Variants in DOCK1 observed in about 807,000 individuals in gnomAD.
DOCK1 encodes dedicator of cytokinesis protein 1.
A neutral mutation model predicts 262.7 loss-of-function variants in DOCK1; 138 were observed. That is an observed-to-expected ratio of 0.53 (90% CI 0.46 to 0.61). DOCK1 has a LOEUF of 0.61. Ranked by LOEUF, DOCK1 falls within the 20% of genes least tolerant of loss-of-function variation. The pLI is 0.00. For synonymous variants in DOCK1, 866 were observed against 867.4 expected (o/e 1.00, Z 0.03); for missense variants, 1,908 against 2,370.7 (o/e 0.80, Z 4.05).
intron 24 of DOCK1, among the ~76,000 whole-genome samples, chr10:127,109,026 G>A (rs2048712250): frequency 6.6e-6 from 1 of 152,022 alleles, no homozygotes; most frequent in Admixed American, 6.5e-5. Flanking sequence ...TAAAATGCTA[G>A]GATAAAATTT....
At position 127,012,946 on chromosome 10, in the gene DOCK1, C is replaced by T. The variant is rs2041581418; in HGVS notation, c.1201+572C>T. Among the ~76,000 whole-genome samples, 1 of 152,194 alleles carries T rather than the reference C, an allele frequency of 6.6e-6. No homozygotes were observed. Among genetic ancestry groups the T allele is most frequent in the South Asian group, 2.1e-4 (1 of 4,828 alleles). Reference sequence around the variant, plus strand: ...GGAAACAACTGTGACTGAGGCCCCGCCTCCAGCCCAAGGGGAAGTCACCTT... The same window carrying T: ...GGAAACAACTGTGACTGAGGCCCCGTCTCCAGCCCAAGGGGAAGTCACCTT... On this transcript the variant is annotated intron_variant, in intron 12 of 51. Coordinates refer to ENST00000623213, the MANE Select transcript of DOCK1 (RefSeq NM_001290223.2). The surrounding 1 kb of genome is among the most constrained non-coding windows in gnomAD (Gnocchi z 4.0).
At chr10:127,065,258 G>C (rs901663870) in intron 23 of DOCK1, among the ~76,000 whole-genome samples, 1 of 152,014 alleles carries the variant, frequency 6.6e-6, no homozygotes, top group Non-Finnish European at 1.5e-5. Flanking sequence ...TAATTCACCC[G>C]CCTCGGCCTC....
chr10:127,077,942 G>C (rs1162847671), intron 23 of DOCK1, among the ~76,000 whole-genome samples: 1 of 152,030 alleles, frequency 6.6e-6, no homozygotes, highest in African/African-American at 2.4e-5. Context: ...ACAGTGGAAG[G>C]AGGTGGTGGG....
chr10:126,907,640 A>T (rs539937032), intron 1 of DOCK1, among the ~76,000 whole-genome samples: 2 of 152,216 alleles, frequency 1.3e-5, no homozygotes, highest in East Asian at 3.9e-4. Flanking sequence ...AGAGACCTGG[A>T]TGGTGTCAGT....
At chr10:127,236,958 C>T (rs1176500269) in intron 27 of DOCK1, among the ~76,000 whole-genome samples, 2 of 152,176 alleles carry the variant, frequency 1.3e-5, no homozygotes, top group Non-Finnish European at 2.9e-5. Context: ...ATACAGCAAA[C>T]GTACCCTTGG....
intron 31 of DOCK1, among the ~76,000 whole-genome samples, chr10:127,350,310 C>CCCT (rs33959490): frequency 1.3e-5 from 2 of 151,812 alleles, no homozygotes; most frequent in African/African-American, 4.8e-5. Context: ...CGGTGCACCC[C>CCCT]TCACCCCCTG....
chr10:126,915,686 C>T (rs1241210578), intron 1 of DOCK1, among the ~76,000 whole-genome samples: 6 of 152,150 alleles, frequency 3.9e-5, no homozygotes, highest in South Asian at 4.2e-4. Context: ...CTCCTGACCT[C>T]GTGATCTGCC....
intron 29 of DOCK1, among the ~76,000 whole-genome samples, chr10:127,278,916 G>A (rs1406539149): frequency 6.6e-6 from 1 of 152,184 alleles, no homozygotes; most frequent in East Asian, 1.9e-4. Flanking sequence ...GACTCCTGAA[G>A]TCTTCATCAC....
intron 1 of DOCK1, among the ~76,000 whole-genome samples, chr10:126,921,155 G>C (rs191085139): frequency 6.8e-6 from 1 of 146,114 alleles, no homozygotes; most frequent in Non-Finnish European, 1.5e-5. Flanking sequence ...AGCCGAGGTC[G>C]CACCATTGCA....
At position 127,272,413 on chromosome 10, in the gene DOCK1, C is replaced by A. The variant is rs1008211899; in HGVS notation, c.3044+14984C>A. Among the ~76,000 whole-genome samples, 3 of 152,158 alleles carry A rather than the reference C, an allele frequency of 2.0e-5. No individual in the cohort carries two copies. The East Asian group carries it at 5.8e-4, about 29-fold the overall frequency. The stretch of plus-strand genomic sequence containing the variant: ...CTACCGGCTCCATGTCATGGACACA[C>A]AGAGTCCTAGGAAGAGATAGATTCT... On this transcript the variant is annotated intron_variant, in intron 29 of 51. Coordinates refer to ENST00000623213, the MANE Select transcript of DOCK1 (RefSeq NM_001290223.2).
chr10:127,059,656 C>T (rs538633662), intron 22 of DOCK1, among the ~76,000 whole-genome samples: 1 of 152,032 alleles, frequency 6.6e-6, no homozygotes, highest in Non-Finnish European at 1.5e-5. Flanking sequence ...TTCATAGATT[C>T]ATTTCTCTAC....
At chr10:127,082,409 G>A (rs2136021839) in intron 23 of DOCK1, among the ~76,000 whole-genome samples, 1 of 152,236 alleles carries the variant, frequency 6.6e-6, no homozygotes, top group Non-Finnish European at 1.5e-5. Context: ...GGCTGGGGAG[G>A]CCTCACAATC....
intron 44 of DOCK1, among the ~76,000 whole-genome samples, chr10:127,417,242 C>G (rs60132360): frequency 0.19 from 28,592 of 152,166 alleles, 2,833 homozygotes; most frequent in African/African-American, 0.23. Context: ...TCCCCGTGGC[C>G]CAGTGTGAGG....
intron 38 of DOCK1, among the ~76,000 whole-genome samples, chr10:127,392,882 T>C (rs1321136378): frequency 6.6e-6 from 1 of 152,212 alleles, no homozygotes; most frequent in Non-Finnish European, 1.5e-5. Flanking sequence ...GCAAAGGTTA[T>C]GGATCAGACG....
chr10:127,006,247 G>A (rs1565054987), intron 10 of DOCK1, among the ~76,000 whole-genome samples: 1 of 152,186 alleles, frequency 6.6e-6, no homozygotes, highest in African/African-American at 2.4e-5. Context: ...CCTGCGAGAC[G>A]TTTCTCACCT....
chr10:127,165,886 A>G (rs373495208), intron 27 of DOCK1, among the ~76,000 whole-genome samples: 1 of 152,138 alleles, frequency 6.6e-6, no homozygotes, highest in Admixed American at 6.5e-5. Context: ...GACCCTCTCA[A>G]TGAGGGGATC....
At chr10:126,996,922 A>G (rs762341917) in intron 7 of DOCK1, 39 bp downstream of exon 7, 1 of 1,528,018 alleles carries the variant, frequency 6.5e-7, no homozygotes, top group Non-Finnish European at 8.7e-7. Flanking sequence ...ACGTTTTCTC[A>G]GTAATAAGTT....
intron 33 of DOCK1, among the ~76,000 whole-genome samples, chr10:127,363,647 T>G (rs2133954691): frequency 6.6e-6 from 1 of 152,286 alleles, no homozygotes; most frequent in African/African-American, 2.4e-5. Context: ...AAAGGGTATA[T>G]TATCCTTACC....
chr10:127,270,197 C>T (rs558102583), intron 29 of DOCK1, among the ~76,000 whole-genome samples: 1 of 152,294 alleles, frequency 6.6e-6, no homozygotes, highest in Admixed American at 6.5e-5. Context: ...CTCCCGATGT[C>T]TGGCAAGAAA....
Sources: gnomAD v4.1 joint callset for allele counts (sites outside exome capture counted in the v4.1 genomes callset) on GRCh38, gnomAD v4.1.1 for gene constraint, Gnocchi (gnomAD v3.1) non-coding constraint, MANE v1.5 for transcripts, NCBI Gene and HGNC (gene_info 2026-07-23, HGNC 2026-07-21) for gene names.